The following DPF3 variants were observed in gnomAD, a reference collection of about 807,000 sequenced individuals.
DPF3 encodes the protein zinc finger protein DPF3.
DPF3 carries 18 observed loss-of-function variants against 56.8 expected under a neutral mutation model. The ratio of observed to expected loss-of-function variants is 0.32; its 90% CI spans 0.22 to 0.47. DPF3 has a LOEUF of 0.47. Ranked by LOEUF, DPF3 falls within the 20% of genes least tolerant of loss-of-function variation. The pLI is 1.00. For synonymous variants in DPF3, 188 were observed against 180.2 expected (o/e 1.04, Z -0.35); for missense variants, 403 against 488.8 (o/e 0.82, Z 1.65).
chr14:72,648,129 A>T (rs2153568297), intron 8 of DPF3, among the ~76,000 whole-genome samples: 1 of 152,286 alleles, frequency 6.6e-6, no homozygotes, highest in East Asian at 1.9e-4. Context: ...TTCAGTGGTG[A>T]CCACAGATCT....
intron 8 of DPF3, among the ~76,000 whole-genome samples, chr14:72,659,678 T>G (rs72728568): frequency 0.073 from 11,168 of 152,262 alleles, 535 homozygotes; most frequent in Non-Finnish European, 0.11. Context: ...GAGGGTGCAA[T>G]CGCTTCCCAT....
intron 8 of DPF3, among the ~76,000 whole-genome samples, chr14:72,635,810 G>A (rs114700434): frequency 2.8e-3 from 426 of 152,084 alleles, no homozygotes; most frequent in African/African-American, 8.6e-3. Flanking sequence ...TATTATCACC[G>A]GTATTTAATT....
chr14:72,624,109 G>T (rs906239294), intron 9 of DPF3, among the ~76,000 whole-genome samples: 2 of 152,078 alleles, frequency 1.3e-5, no homozygotes, highest in African/African-American at 2.4e-5. Context: ...TTCAGAAGAT[G>T]CTAGAGAAAC....
intron 8 of DPF3, chr14:72,673,883 T>C (rs1886796518): frequency 4.8e-6 from 1 of 208,054 alleles, no homozygotes; most frequent in African/African-American, 2.3e-5. Flanking sequence ...CAAACTCATC[T>C]TTCTGTTACA....
intron 7 of DPF3, among the ~76,000 whole-genome samples, chr14:72,690,399 C>T (rs1004091714): frequency 2.0e-5 from 3 of 152,156 alleles, no homozygotes; most frequent in African/African-American, 7.2e-5. Context: ...GCACACCTCC[C>T]CGTGCAGCCA....
chr14:72,629,578 C>T, intron 9 of DPF3, 46 bp downstream of exon 9: 1 of 1,498,258 alleles, frequency 6.7e-7, no homozygotes, highest in Non-Finnish European at 9.0e-7. Context: ...CAAAGGACCC[C>T]AGCTCTGTGG....
intron 8 of DPF3, among the ~76,000 whole-genome samples, chr14:72,634,982 T>C (rs778642324): frequency 6.6e-6 from 1 of 152,214 alleles, no homozygotes; most frequent in Non-Finnish European, 1.5e-5. Context: ...TCTAAATGTA[T>C]TCTATCAGGA....
intron 6 of DPF3, among the ~76,000 whole-genome samples, chr14:72,706,547 C>T (rs370235756): frequency 3.3e-5 from 5 of 152,254 alleles, no homozygotes; most frequent in East Asian, 1.9e-4. Context: ...CACCATACAC[C>T]GGAGGACATG....
At chr14:72,839,745 C>G (rs1340472805) in intron 1 of DPF3, among the ~76,000 whole-genome samples, 1 of 152,152 alleles carries the variant, frequency 6.6e-6, no homozygotes, top group Non-Finnish European at 1.5e-5. Flanking sequence ...AAGAAAGGGG[C>G]CGGTGAGGAC....
intron 8 of DPF3, among the ~76,000 whole-genome samples, chr14:72,672,221 A>T (rs566352286): frequency 6.6e-6 from 1 of 152,174 alleles, no homozygotes; most frequent in South Asian, 2.1e-4. Context: ...TGTAAAACTC[A>T]GGTTTAAACT....
intron 1 of DPF3, among the ~76,000 whole-genome samples, chr14:72,795,090 C>T (rs1892581303): frequency 6.6e-6 from 1 of 151,962 alleles, no homozygotes; most frequent in Admixed American, 6.6e-5. Context: ...TGTAAGGTAA[C>T]ATATTCATAG....
Position 72,865,471 on chromosome 14 carries a change from G to A in DPF3, c.32+28586C>T, listed in dbSNP as rs546717266. 2.0e-4 allele frequency among the ~76,000 whole-genome samples: 30 copies of A among 152,352 alleles called. No homozygotes were observed. In the South Asian group the frequency reaches 2.7e-3, roughly 14 times the overall value. On this transcript the variant is annotated intron_variant, in intron 1 of 10. Coordinates refer to ENST00000556509, the MANE Select transcript of DPF3 (RefSeq NM_001280542.3). Reference sequence around the variant, plus strand: ...TGAGGTAGAGAATGGGGATGACGACGAAGTTCCTGCTTCTTGGCTTCAATT... The same window carrying A: ...TGAGGTAGAGAATGGGGATGACGACAAAGTTCCTGCTTCTTGGCTTCAATT...
chr14:72,689,099 T>A (rs1311048955), intron 7 of DPF3, among the ~76,000 whole-genome samples: 2 of 142,628 alleles, frequency 1.4e-5, no homozygotes, highest in African/African-American at 5.3e-5. Flanking sequence ...CAGGGCAGCA[T>A]GGGCGGGGGC....
At position 72,617,875 on chromosome 14, in the gene DPF3, C is replaced by T. The variant is rs930836454; in HGVS notation, c.*1422G>A. On this transcript the variant is annotated 3_prime_UTR_variant, in exon 11 of 11. Transcript: ENST00000556509. ...TGGAGCTGATTTCAGAGAAGCCAAG[C>T]ATGCGCGAGGGTTCCGCTCACCGAG... Among the ~76,000 whole-genome samples the T allele has an allele frequency of 6.6e-6, 1 of 151,984 alleles. No individual in the cohort carries two copies. Among genetic ancestry groups the T allele is most frequent in the Non-Finnish European group, 1.5e-5 (1 of 67,974 alleles).
intron 1 of DPF3, among the ~76,000 whole-genome samples, chr14:72,816,946 A>G (rs1231395589): frequency 6.6e-6 from 1 of 152,064 alleles, no homozygotes; most frequent in Admixed American, 6.6e-5. Context: ...TCTCTACTCC[A>G]CCCACCATCT....
intron 1 of DPF3, among the ~76,000 whole-genome samples, chr14:72,790,208 G>A (rs1015343223): frequency 2.0e-5 from 3 of 152,128 alleles, no homozygotes; most frequent in East Asian, 1.9e-4. Context: ...TCAACAAAGC[G>A]AGACCCCATC....
chr14:72,652,255 A>G (rs1885931674), intron 8 of DPF3, among the ~76,000 whole-genome samples: 2 of 152,188 alleles, frequency 1.3e-5, no homozygotes, highest in Admixed American at 6.5e-5. Context: ...TGAACAAGAC[A>G]GAGGGCCCTT....
intron 1 of DPF3, chr14:72,892,341 C>T: frequency 6.5e-7 from 1 of 1,535,128 alleles, no homozygotes; most frequent in South Asian, 1.2e-5. Context: ...TGCCATAAAA[C>T]ATTTTCTTTC....
chr14:72,738,284 T>C (rs2139869722), intron 3 of DPF3, among the ~76,000 whole-genome samples: 1 of 152,078 alleles, frequency 6.6e-6, no homozygotes, highest in South Asian at 2.1e-4. Flanking sequence ...TAGATGAGGT[T>C]CACATTGAGG....
Sources: allele counts gnomAD v4.1 joint callset (sites outside exome capture counted in the v4.1 genomes callset), GRCh38; gene constraint gnomAD v4.1.1; transcripts MANE v1.5; gene names NCBI Gene and HGNC (gene_info 2026-07-23, HGNC 2026-07-21).